Variants in PPEF2 observed in about 807,000 individuals in gnomAD.
PPEF2 encodes protein phosphatase with EF-hand domain 2.
A neutral mutation model predicts 84.7 loss-of-function variants in PPEF2; 84 were observed. The ratio of observed to expected loss-of-function variants is 0.99; its 90% CI spans 0.83 to 1.19. The LOEUF (loss-of-function observed/expected upper bound fraction) is 1.19. Among genes scored for constraint, PPEF2 ranks in the 50% most tolerant of loss-of-function variants. PPEF2 has a pLI of 0.00. For missense variants in PPEF2, 924 were observed against 937.5 expected (o/e 0.99, Z 0.19); for synonymous variants, 346 against 345.2 (o/e 1.00, Z -0.03).
chr4:75,901,753 TCTC>T (rs2149233029), intron 1 of PPEF2, among the ~76,000 whole-genome samples: 1 of 152,222 alleles, frequency 6.6e-6, no homozygotes, highest in East Asian at 1.9e-4. Context: ...TGAGACCCCT[TCTC>T]CTTCTAGAAT....
At chr4:75,890,878 T>C (rs17001163) in intron 4 of PPEF2, among the ~76,000 whole-genome samples, 21,241 of 152,166 alleles carry the variant, frequency 0.14, 1,639 homozygotes, top group Non-Finnish European at 0.18. Flanking sequence ...AGGCCAGAAA[T>C]GCTATGGAAT....
intron 2 of PPEF2, among the ~76,000 whole-genome samples, chr4:75,893,797 G>A (rs540578300): frequency 2.6e-5 from 4 of 152,276 alleles, no homozygotes; most frequent in African/African-American, 7.2e-5. Context: ...TGAGACATAC[G>A]TATTACATCC....
intron 10 of PPEF2, among the ~76,000 whole-genome samples, chr4:75,877,376 AAG>A (rs80234722): frequency 0.54 from 16,103 of 29,904 alleles, 2,884 homozygotes; most frequent in African/African-American, 0.56. Context: ...GAGAGAAAGA[AAG>A]AGAGAAAGAA....
intron 6 of PPEF2, 65 bp downstream of exon 6, chr4:75,888,149 C>G (rs983646633): frequency 1.3e-5 from 16 of 1,273,062 alleles, no homozygotes; most frequent in Non-Finnish European, 1.8e-5. Context: ...CCTCTTGCAT[C>G]CCCACACAGG....
At chr4:75,879,153 G>A (rs1319570100) in intron 10 of PPEF2, among the ~76,000 whole-genome samples, 1 of 152,216 alleles carries the variant, frequency 6.6e-6, no homozygotes, top group Non-Finnish European at 1.5e-5. Context: ...CAGTACACGA[G>A]GGATTGTAAC....
At position 75,864,473 on chromosome 4, in the gene PPEF2, T is replaced by A. The variant is rs751605568; in HGVS notation, c.1975A>T (p.Thr659Ser). Residue 659 changes from threonine to serine, a missense_variant, in exon 16 of 17, where the codon ACC becomes TCC. By Grantham distance (58) the Thr-to-Ser change is moderately conservative. Coordinates refer to ENST00000286719, the MANE Select transcript of PPEF2 (RefSeq NM_006239.3). Reference sequence around the variant, plus strand: ...TCACTGTCTATGATCCTAAAAATGGTCTCTAGGTTGGATCGGTTTCGATAC... The same window carrying A: ...TCACTGTCTATGATCCTAAAAATGGACTCTAGGTTGGATCGGTTTCGATAC... ...TLYRNRSNLE[T>S]IFRIIDSDHS... 39 of 1,612,046 alleles carry A rather than the reference T, an allele frequency of 2.4e-5. No individual in the cohort carries two copies. The highest frequency in any genetic ancestry group is 3.1e-5 in the Non-Finnish European group (37 of 1,178,310).
chr4:75,884,217 G>C (rs1724659874), intron 8 of PPEF2, among the ~76,000 whole-genome samples: 1 of 152,044 alleles, frequency 6.6e-6, no homozygotes, highest in African/African-American at 2.4e-5. Flanking sequence ...GATCACTTGA[G>C]GTCAGGAGTT....
chr4:75,876,095 A>T (rs1324989004), intron 11 of PPEF2, among the ~76,000 whole-genome samples, 192 bp downstream of exon 11: 1 of 152,246 alleles, frequency 6.6e-6, no homozygotes, highest in East Asian at 1.9e-4. Context: ...AGAGCCTAAC[A>T]GCCACACATC....
chr4:75,883,643 C>G (rs1364078060), intron 8 of PPEF2: 1 of 166,984 alleles, frequency 6.0e-6, no homozygotes, highest in African/African-American at 2.4e-5. Context: ...ACGGTGAAAC[C>G]CCGTCTCTAC....
intron 1 of PPEF2, among the ~76,000 whole-genome samples, chr4:75,896,727 A>ACTACAGTTTTT (rs1470584920): frequency 6.6e-6 from 1 of 152,144 alleles, no homozygotes; most frequent in Admixed American, 6.6e-5. Flanking sequence ...TCAAGGGTAG[A>ACTACAGTTTTT]CTACAGTTTT....
At position 75,889,672 on chromosome 4, in the gene PPEF2, A is replaced by G. The variant is rs78481634; in HGVS notation, c.417+285T>C. ...TTTTATCTGTTTTGTTCACTGCTGT[A>G]TCCTCAGTGCCCAGAGCAATGTGGG... On this transcript the variant is annotated intron_variant, in intron 5 of 16. Transcript: ENST00000286719. 1.5e-4 allele frequency among the ~76,000 whole-genome samples: 23 copies of G among 152,318 alleles called. No individual in the cohort carries two copies. The East Asian group carries it at 4.1e-3, about 27-fold the overall frequency.
intron 1 of PPEF2, among the ~76,000 whole-genome samples, chr4:75,901,731 A>G (rs1725128789): frequency 6.6e-6 from 1 of 152,168 alleles, no homozygotes; most frequent in Non-Finnish European, 1.5e-5. Flanking sequence ...GAGTACATCC[A>G]CCCAACGTGG....
chr4:75,866,030 C>G (rs1043127355), intron 15 of PPEF2, among the ~76,000 whole-genome samples, 159 bp downstream of exon 15: 3 of 152,216 alleles, frequency 2.0e-5, no homozygotes, highest in Admixed American at 6.5e-5. Context: ...AACCACTTAA[C>G]ACAAAAGCCT....
chr4:75,883,191 G>A lies in PPEF2; in HGVS notation c.758C>T (p.Thr253Ile), dbSNP rs762013571. The A allele has an allele frequency of 7.4e-6, 12 of 1,613,408 alleles. No individual in the cohort carries two copies. The highest frequency in any genetic ancestry group is 1.0e-5 in the Non-Finnish European group (12 of 1,179,666). Residue 253 changes from threonine (T) to isoleucine (I), a missense_variant, in exon 9 of 17, where the codon ACC becomes ATC. Physicochemically the swap from Thr to Ile is moderately conservative, Grantham distance 89. Coordinates refer to ENST00000286719, the MANE Select transcript of PPEF2 (RefSeq NM_006239.3). ...CTTGTATTTATTCATCACTTCCTTGGTGAAGCCATATCTAGATTTAGAAGC... is the reference window on the plus strand; with the variant it reads ...CTTGTATTTATTCATCACTTCCTTGATGAAGCCATATCTAGATTTAGAAGC... ...DHMVNLRYGF[T>I]KEVMNKYKVH...
intron 4 of PPEF2, 150 bp downstream of exon 4, chr4:75,891,498 A>T: frequency 1.2e-6 from 1 of 814,564 alleles, no homozygotes; most frequent in Non-Finnish European, 1.9e-6. Context: ...ACCTGGCATA[A>T]AACCCCAGTC....
intron 4 of PPEF2, among the ~76,000 whole-genome samples, chr4:75,890,481 C>T (rs6839102): frequency 0.2 from 22,039 of 109,938 alleles, 1,878 homozygotes; most frequent in Non-Finnish European, 0.22. Context: ...AGAGTGAGAC[C>T]CTGTCTCAAA....
At chr4:75,869,097 AGTTT>A (rs887513660) in intron 13 of PPEF2, among the ~76,000 whole-genome samples, 3 of 152,192 alleles carry the variant, frequency 2.0e-5, no homozygotes, top group Non-Finnish European at 4.4e-5. Flanking sequence ...TTTTGTAGAC[AGTTT>A]GTTGTTTTAT....
intron 5 of PPEF2, 22 bp downstream of exon 5, chr4:75,889,935 C>A (rs1724833645): frequency 6.2e-7 from 1 of 1,612,928 alleles, no homozygotes; most frequent in South Asian, 1.1e-5. Context: ...GGTAGTGACC[C>A]AGGTTCCCCA....
chr4:75,879,437 G>A (rs1363504855), intron 10 of PPEF2, among the ~76,000 whole-genome samples: 2 of 152,212 alleles, frequency 1.3e-5, no homozygotes, highest in Admixed American at 1.3e-4. Flanking sequence ...CAAAAATGTA[G>A]CTCATTTACT....
Sources: gnomAD v4.1 joint callset for allele counts (sites outside exome capture counted in the v4.1 genomes callset) on GRCh38, gnomAD v4.1.1 for gene constraint, MANE v1.5 for transcripts, NCBI Gene and HGNC (gene_info 2026-07-23, HGNC 2026-07-21) for gene names.